CSMD1: variants seen among roughly 807,000 people sequenced by gnomAD.
CSMD1 encodes CUB and Sushi multiple domains 1, also known as CUB and sushi domain-containing protein 1.
Under a neutral mutation model 417.5 loss-of-function variants are expected in CSMD1, and 213 were observed. The observed-to-expected ratio is 0.51, with a 90% CI of 0.46 to 0.57. The LOEUF is 0.57. Among genes scored for constraint, CSMD1 ranks in the 20% least tolerant of loss-of-function variants. The pLI is 0.00. For missense variants in CSMD1, 6,923 were observed against 4,529.7 expected (o/e 1.53, Z -15.17); for synonymous variants, 2,862 against 1,736.8 (o/e 1.65, Z -16.11).
At chr8:3,905,486 G>A (rs543436373) in intron 5 of CSMD1, among the ~76,000 whole-genome samples, 1 of 152,176 alleles carries the variant, frequency 6.6e-6, no homozygotes, top group Non-Finnish European at 1.5e-5. Context: ...ACTTTCCTAC[G>A]TGTGAAAGAT....
chr8:3,709,958 C>G (rs1258348597), intron 6 of CSMD1, among the ~76,000 whole-genome samples: 2 of 151,444 alleles, frequency 1.3e-5, no homozygotes, highest in African/African-American at 4.9e-5. Context: ...GACCAACCCC[C>G]AACCCCCACA....
chr8:4,488,227 T>C (rs1801513990), intron 2 of CSMD1, among the ~76,000 whole-genome samples: 1 of 152,194 alleles, frequency 6.6e-6, no homozygotes, highest in South Asian at 2.1e-4. Flanking sequence ...AATGGTATTT[T>C]GTTACAGCAG....
At chr8:3,777,415 G>A (rs1235961977) in intron 5 of CSMD1, among the ~76,000 whole-genome samples, 1 of 152,104 alleles carries the variant, frequency 6.6e-6, no homozygotes, top group Non-Finnish European at 1.5e-5. Flanking sequence ...TCTTGCACCT[G>A]GGGCATCCTG....
intron 1 of CSMD1, among the ~76,000 whole-genome samples, chr8:4,847,126 A>G (rs1379616471): frequency 6.6e-6 from 1 of 152,242 alleles, no homozygotes; most frequent in East Asian, 1.9e-4. Context: ...AAGAGAACTT[A>G]CAGATACTTC....
chr8:3,732,645 G>T (rs551657762), intron 6 of CSMD1, among the ~76,000 whole-genome samples: 1 of 152,122 alleles, frequency 6.6e-6, no homozygotes, highest in Non-Finnish European at 1.5e-5. Flanking sequence ...TTGTTTGCTT[G>T]TTTGAACAGA....
rs114795215 is a variant in CSMD1, at chr8:4,453,422, G to C, written c.303-33357C>G. On this transcript the variant is annotated intron_variant, in intron 2 of 69. Coordinates refer to ENST00000635120, the MANE Select transcript of CSMD1 (RefSeq NM_033225.6). ...GTCAGGAGATTCCCAGAAGACACTGGACAGTTAGTCACCCGTGTGTTGGTG... is the reference window on the plus strand; with the variant it reads ...GTCAGGAGATTCCCAGAAGACACTGCACAGTTAGTCACCCGTGTGTTGGTG... Among the ~76,000 whole-genome samples, 903 of 152,278 alleles carry C rather than the reference G, an allele frequency of 5.9e-3. 10 individuals carry two copies. The highest frequency in any genetic ancestry group is 0.021 in the African/African-American group (874 of 41,556).
chr8:4,905,434 C>A (rs1805179538), intron 1 of CSMD1, among the ~76,000 whole-genome samples: 1 of 152,056 alleles, frequency 6.6e-6, no homozygotes. Context: ...TACATGTACA[C>A]ATAGTAAAAG....
chr8:3,761,707 T>C lies in CSMD1; in HGVS notation c.819-7665A>G, dbSNP rs530349547. On this transcript the variant is annotated intron_variant, in intron 5 of 69. Transcript: ENST00000635120. Reference sequence around the variant, plus strand: ...TTTTAGTAGAGATGAGGTTTCACCATGTTGGCCAGGCTGGTCTCGAACTTC... The same window carrying C: ...TTTTAGTAGAGATGAGGTTTCACCACGTTGGCCAGGCTGGTCTCGAACTTC... Among the ~76,000 whole-genome samples the C allele has an allele frequency of 2.0e-5, 3 of 152,180 alleles. No homozygotes were observed. In the South Asian group the frequency reaches 6.2e-4, roughly 32 times the overall value.
At chr8:4,531,962 A>C (rs1796839863) in intron 2 of CSMD1, among the ~76,000 whole-genome samples, 1 of 84,168 alleles carries the variant, frequency 1.2e-5, no homozygotes. Flanking sequence ...GAAATCCTGC[A>C]CCTCCATTCA....
At chr8:4,143,553 T>G (rs13263236) in intron 3 of CSMD1, among the ~76,000 whole-genome samples, 45,270 of 150,764 alleles carry the variant, frequency 0.3, 8,452 homozygotes, top group Non-Finnish European at 0.39. Context: ...TGTATACTTG[T>G]AAGGCTTAGA....
intron 10 of CSMD1, among the ~76,000 whole-genome samples, chr8:3,547,097 G>T (rs929585179): frequency 6.6e-6 from 1 of 152,128 alleles, no homozygotes; most frequent in Non-Finnish European, 1.5e-5. Flanking sequence ...AATAACGTGG[G>T]CTACAGGTTG....
At chr8:3,656,593 T>C (rs938558800) in intron 7 of CSMD1, among the ~76,000 whole-genome samples, 1 of 152,048 alleles carries the variant, frequency 6.6e-6, no homozygotes, top group Non-Finnish European at 1.5e-5. Context: ...CGAAGCCCTT[T>C]ACTCTCCTTT....
chr8:4,791,101 G>GAGACGGTGAGAAT (rs1797664495), intron 1 of CSMD1, among the ~76,000 whole-genome samples: 1 of 152,050 alleles, frequency 6.6e-6, no homozygotes, highest in African/African-American at 2.4e-5. Flanking sequence ...ACGGTGAGAA[G>GAGACGGTGAGAAT]AGACGGGGAG....
rs568056526 is a variant in CSMD1, at chr8:3,168,885, G to T, written c.5726-6608C>A. Among the ~76,000 whole-genome samples the T allele has an allele frequency of 3.3e-5, 5 of 152,030 alleles. No homozygotes were observed. In the South Asian group the frequency reaches 1.0e-3, roughly 32 times the overall value. Reference sequence around the variant, plus strand: ...AAGGAGTGCATGTCTGGTGACAAGGGAAGTGACAAAATACCTTTAGGGGAA... The same window carrying T: ...AAGGAGTGCATGTCTGGTGACAAGGTAAGTGACAAAATACCTTTAGGGGAA... On this transcript the variant is annotated intron_variant, in intron 37 of 69. Coordinates refer to ENST00000635120, the MANE Select transcript of CSMD1 (RefSeq NM_033225.6).
intron 3 of CSMD1, among the ~76,000 whole-genome samples, chr8:4,116,165 T>A (rs1264722228): frequency 2.0e-5 from 3 of 151,870 alleles, no homozygotes; most frequent in African/African-American, 7.3e-5. Flanking sequence ...AGCTAATTTT[T>A]GTATTTTTAG....
intron 23 of CSMD1, among the ~76,000 whole-genome samples, chr8:3,342,891 A>ATGTGTGTGTGTGTG (rs757003156): frequency 8.3e-5 from 6 of 72,268 alleles, no homozygotes; most frequent in African/African-American, 2.5e-4. Flanking sequence ...GTATAAATAT[A>ATGTGTGTGTGTGTG]TGTGTGTATG....
At chr8:3,936,314 C>T (rs1188790041) in intron 5 of CSMD1, among the ~76,000 whole-genome samples, 1 of 152,094 alleles carries the variant, frequency 6.6e-6, no homozygotes, top group Non-Finnish European at 1.5e-5. Context: ...CACTAAAAGG[C>T]AGATATTGAG....
chr8:4,753,866 C>T lies in CSMD1; in HGVS notation c.86-116308G>A, dbSNP rs190210836. ...GTGATAATTGAACTAGATTCCTTTACTTCTTCTAAGCTAGAAGGTGGCAGG... is the reference window on the plus strand; with the variant it reads ...GTGATAATTGAACTAGATTCCTTTATTTCTTCTAAGCTAGAAGGTGGCAGG... On this transcript the variant is annotated intron_variant, in intron 1 of 69. Transcript: ENST00000635120. Among the ~76,000 whole-genome samples the T allele has an allele frequency of 2.6e-3, 396 of 152,304 alleles. 2 individuals carry two copies. The highest frequency in any genetic ancestry group is 9.1e-3 in the African/African-American group (380 of 41,564).
At chr8:3,033,987 C>T (rs926475308) in intron 50 of CSMD1, among the ~76,000 whole-genome samples, 6 of 152,128 alleles carry the variant, frequency 3.9e-5, no homozygotes, top group Non-Finnish European at 8.8e-5. Context: ...AGTCAGACCA[C>T]CCCCTAGTCG....
Sources: allele counts gnomAD v4.1 joint callset (sites outside exome capture counted in the v4.1 genomes callset), GRCh38; gene constraint gnomAD v4.1.1; transcripts MANE v1.5; gene names NCBI Gene and HGNC (gene_info 2026-07-23, HGNC 2026-07-21).